CHAF1A: variants seen among roughly 807,000 people sequenced by gnomAD.
CHAF1A encodes the protein chromatin assembly factor 1 subunit A, also known as CAF-1 subunit A.
A neutral mutation model predicts 93.2 loss-of-function variants in CHAF1A; 5 were observed. That is an observed-to-expected ratio of 0.05 (90% CI 0.03 to 0.11). The LOEUF (loss-of-function observed/expected upper bound fraction) is 0.11, where lower values mean the gene tolerates loss of function less well. CHAF1A is among the 10% of genes least tolerant of loss of function. CHAF1A has a pLI of 1.00. For missense variants in CHAF1A, 1,102 were observed against 1,259.9 expected (o/e 0.87, Z 1.90); for synonymous variants, 504 against 510.3 (o/e 0.99, Z 0.17).
chr19:4,420,768 A>G (rs534279369), intron 4 of CHAF1A, among the ~76,000 whole-genome samples: 1 of 152,216 alleles, frequency 6.6e-6, no homozygotes, highest in South Asian at 2.1e-4. Flanking sequence ...TAGTGTCTCT[A>G]CTAAAAAGAA....
chr19:4,449,699 A>G (rs1974615430), downstream of CHAF1A: 1 of 152,316 alleles, frequency 6.6e-6, no homozygotes, highest in Admixed American at 6.5e-5. Flanking sequence ...ACGAAGGAAC[A>G]GCAGCCAGGA....
chr19:4,450,650 T>A, the CHAF1A span: 1 of 148,714 alleles, frequency 6.7e-6, no homozygotes, highest in Non-Finnish European at 1.5e-5. Flanking sequence ...TCCCAGCTAC[T>A]CGGGAGGCTG....
chr19:4,428,556 C>A, intron 7 of CHAF1A, 108 bp from the exon 8 acceptor site: 1 of 944,780 alleles, frequency 1.1e-6, no homozygotes, highest in South Asian at 1.5e-5. Flanking sequence ...TGAGTCTGTG[C>A]CTTGGCCTTA....
At chr19:4,431,358 A>T (rs918063420) in intron 11 of CHAF1A, among the ~76,000 whole-genome samples, 3 of 151,200 alleles carry the variant, frequency 2.0e-5, no homozygotes, top group Non-Finnish European at 4.4e-5. Flanking sequence ...TGAACTCCTG[A>T]CCTCCAGTGA....
chr19:4,402,702 G>A lies in CHAF1A; in HGVS notation c.-61G>A. ...GCGGGCGGGAGGGCGAAGAGCAGCG[G>A]CCGCCTGAGGGGAGCCCGCGCCTCC... On this transcript the variant is annotated 5_prime_UTR_variant, in exon 1 of 15. Coordinates refer to ENST00000301280, the MANE Select transcript of CHAF1A (RefSeq NM_005483.3). 1.9e-6 allele frequency: 2 copies of A among 1,080,856 alleles called. No homozygotes were observed. The highest frequency in any genetic ancestry group is 2.3e-6 in the Non-Finnish European group (2 of 860,434). 67.0% of individuals were successfully genotyped at this position (1,080,856 alleles called of 1,614,324 possible). A position where few individuals can be genotyped will look rare whatever the true frequency, so the allele number is the denominator to read the frequency against.
intron 4 of CHAF1A, 34 bp downstream of exon 4, chr19:4,418,110 T>C: frequency 6.8e-7 from 1 of 1,464,942 alleles, no homozygotes; most frequent in Non-Finnish European, 9.4e-7. Context: ...AAAATTAACC[T>C]GCTGTGCTTT....
downstream of CHAF1A, chr19:4,445,570 G>T (rs897492189): frequency 6.2e-7 from 1 of 1,613,836 alleles, no homozygotes; most frequent in Non-Finnish European, 8.5e-7. Context: ...CCGCGGCCTT[G>T]ATGTCCTCCA....
downstream of CHAF1A, chr19:4,447,514 C>G (rs774846820): frequency 2.5e-6 from 4 of 1,611,864 alleles, no homozygotes; most frequent in African/African-American, 5.3e-5. Flanking sequence ...GCCCCCACCC[C>G]CAGCCTGGGC....
At position 4,422,873 on chromosome 19, in the gene CHAF1A, T is replaced by G; in HGVS notation, c.1247+78T>G. 5 of 1,340,718 alleles carry G rather than the reference T, an allele frequency of 3.7e-6. No individual in the cohort carries two copies. The highest frequency in any genetic ancestry group is 5.2e-6 in the Non-Finnish European group (5 of 954,604). 83.1% of individuals were successfully genotyped at this position (1,340,718 alleles called of 1,614,324 possible). A position where few individuals can be genotyped will look rare whatever the true frequency, so the allele number is the denominator to read the frequency against. On this transcript the variant is annotated intron_variant, in intron 5 of 14. Transcript: ENST00000301280. This position sits in a 1 kb window ranked among gnomAD's most constrained non-coding sequence, Gnocchi z 4.6. ...CTCCTGGCCACTCTGATGGGGCCTTTCCACTTCACAGGCAGATGGCGGCTC... is the reference window on the plus strand; with the variant it reads ...CTCCTGGCCACTCTGATGGGGCCTTGCCACTTCACAGGCAGATGGCGGCTC...
chr19:4,423,508 A>G (rs1302320614), intron 6 of CHAF1A, 113 bp downstream of exon 6: 187 of 1,562,002 alleles, frequency 1.2e-4, no homozygotes, highest in Non-Finnish European at 1.6e-4. Flanking sequence ...GGGGAAACCA[A>G]ATGGCGCCCG....
At chr19:4,404,690 A>G (rs1422879240) in intron 1 of CHAF1A, among the ~76,000 whole-genome samples, 2 of 152,184 alleles carry the variant, frequency 1.3e-5, no homozygotes, top group Admixed American at 6.5e-5. Flanking sequence ...AATGCTTACA[A>G]AACATACGTA....
chr19:4,444,040 G>T (rs974762758), downstream of CHAF1A, among the ~76,000 whole-genome samples: 3 of 152,194 alleles, frequency 2.0e-5, no homozygotes, highest in Non-Finnish European at 2.9e-5. Flanking sequence ...TGGGAAGCAG[G>T]ATTCAGCTGT....
rs1254789385 is a variant in CHAF1A, at chr19:4,422,552, A to G, written c.1018-14A>G. The G allele has an allele frequency of 2.6e-6, 4 of 1,558,006 alleles. No homozygotes were observed. Among genetic ancestry groups the G allele is most frequent in the Non-Finnish European group, 2.6e-6 (3 of 1,150,390 alleles). Reference sequence around the variant, plus strand: ...GAGGGAGGGCCACCTGTCACTTGCCACACTGTCTTGTAGGATCAGGAGCGT... The same window carrying G: ...GAGGGAGGGCCACCTGTCACTTGCCGCACTGTCTTGTAGGATCAGGAGCGT... On this transcript the variant is annotated splice_polypyrimidine_tract_variant and intron_variant, in intron 4 of 14. Coordinates refer to ENST00000301280, the MANE Select transcript of CHAF1A (RefSeq NM_005483.3). This position sits in a 1 kb window ranked among gnomAD's most constrained non-coding sequence, Gnocchi z 4.6.
At chr19:4,446,279 C>A, downstream of CHAF1A, 1 of 1,570,966 alleles carries the variant, frequency 6.4e-7, no homozygotes. Context: ...TCGTTGGTGC[C>A]CACCCTGCAG....
intron 11 of CHAF1A, chr19:4,431,043 C>T (rs535720148): frequency 1.5e-5 from 3 of 196,630 alleles, no homozygotes; most frequent in Non-Finnish European, 3.2e-5. Context: ...ACAGAACTTC[C>T]CTATCTCTCC....
At position 4,402,822 on chromosome 19, in the gene CHAF1A, CG is replaced by C; in HGVS notation, c.52+11del. The C allele has an allele frequency of 8.3e-7, 1 of 1,201,264 alleles. No homozygotes were observed. The highest frequency in any genetic ancestry group is 1.0e-6 in the Non-Finnish European group (1 of 967,946). 74.4% of individuals were successfully genotyped at this position (1,201,264 alleles called of 1,614,324 possible). On this transcript the variant is annotated intron_variant, in intron 1 of 14. Transcript: ENST00000301280. ...CCAGGGGAGCCGCCACAGGTCGGTTCGGGCCCGCGCCGAGGGGAAGGGGGGG... is the reference window on the plus strand; with the variant it reads ...CCAGGGGAGCCGCCACAGGTCGGTTCGGCCCGCGCCGAGGGGAAGGGGGGG...
At chr19:4,416,983 A>G (rs914866077) in intron 3 of CHAF1A, among the ~76,000 whole-genome samples, 1 of 152,128 alleles carries the variant, frequency 6.6e-6, no homozygotes, top group Non-Finnish European at 1.5e-5. Flanking sequence ...GACATGTTTT[A>G]TTTGATTAAT....
At chr19:4,404,873 A>G (rs1447467833) in intron 1 of CHAF1A, among the ~76,000 whole-genome samples, 1 of 152,010 alleles carries the variant, frequency 6.6e-6, no homozygotes, top group Non-Finnish European at 1.5e-5. Flanking sequence ...TTTTGCAGGA[A>G]AATATTTTGT....
Position 4,409,368 on chromosome 19 carries a change from G to C in CHAF1A, c.569G>C (p.Cys190Ser). The C allele has an allele frequency of 2.5e-6, 4 of 1,614,168 alleles. No homozygotes were observed. Among genetic ancestry groups the C allele is most frequent in the Non-Finnish European group, 2.5e-6 (3 of 1,180,016 alleles). Residue 190 changes from cysteine (C) to serine (S), a missense_variant, in exon 3 of 15, where the codon TGT becomes TCT. Coordinates refer to ENST00000301280, the MANE Select transcript of CHAF1A (RefSeq NM_005483.3). ...AAAACAGAGGAGGAGGGTGTTGGCTGTGGAGGTGCAGGGAGGAGAGGCGAC... is the reference window on the plus strand; with the variant it reads ...AAAACAGAGGAGGAGGGTGTTGGCTCTGGAGGTGCAGGGAGGAGAGGCGAC... ...PCKTEEEGVG[C>S]GGAGRRGDSQ... is the part of the protein sequence containing the mutation.
Sources: gnomAD v4.1 joint callset for allele counts (sites outside exome capture counted in the v4.1 genomes callset) on GRCh38, gnomAD v4.1.1 for gene constraint, Gnocchi (gnomAD v3.1) non-coding constraint, MANE v1.5 for transcripts, NCBI Gene and HGNC (gene_info 2026-07-23, HGNC 2026-07-21) for gene names.